The following ADAMTS12 variants were observed in gnomAD, a reference collection of about 807,000 sequenced individuals.
ADAMTS12 encodes A disintegrin and metalloproteinase with thrombospondin motifs 12.
In ADAMTS12, 118 loss-of-function variants were observed where a neutral mutation model predicts 167.8. The observed-to-expected ratio is 0.70, with a 90% CI of 0.61 to 0.82. The LOEUF is 0.82. ADAMTS12 is among the 40% of genes least tolerant of loss of function. The pLI, the probability that ADAMTS12 is intolerant of heterozygous loss-of-function variation, is 0.00. For synonymous variants in ADAMTS12, 704 were observed against 716.9 expected, an observed-to-expected ratio of 0.98 and a Z score of 0.29; for missense variants, 1,916 against 1,998.8, an observed-to-expected ratio of 0.96 and a Z score of 0.79.
intron 17 of ADAMTS12, 91 bp downstream of exon 17, chr5:33,595,843 A>G: frequency 1.3e-6 from 2 of 1,538,614 alleles, no homozygotes; most frequent in Non-Finnish European, 1.8e-6. Flanking sequence ...AAAACCACAC[A>G]ATATTTCTTT....
At chr5:33,844,404 A>T (rs1268219313) in intron 2 of ADAMTS12, among the ~76,000 whole-genome samples, 1 of 152,216 alleles carries the variant, frequency 6.6e-6, no homozygotes, top group Non-Finnish European at 1.5e-5. Context: ...CCTGAGAAAG[A>T]GAATGCGCCC....
chr5:33,887,341 AT>A (rs1203185336), intron 1 of ADAMTS12, among the ~76,000 whole-genome samples: 1 of 151,886 alleles, frequency 6.6e-6, no homozygotes, highest in African/African-American at 2.4e-5. Context: ...AGGGATGAGG[AT>A]TTTTTCCTGG....
At chr5:33,859,201 A>G (rs1749515611) in intron 2 of ADAMTS12, among the ~76,000 whole-genome samples, 1 of 152,238 alleles carries the variant, frequency 6.6e-6, no homozygotes, top group Admixed American at 6.5e-5. Context: ...CAGGGAGCCA[A>G]GTGGTCTAGC....
At chr5:33,583,325 A>C (rs1007619933) in intron 18 of ADAMTS12, among the ~76,000 whole-genome samples, 1 of 152,148 alleles carries the variant, frequency 6.6e-6, no homozygotes, top group Non-Finnish European at 1.5e-5. Context: ...ACTGAATCTC[A>C]TTCATTCCTA....
intron 16 of ADAMTS12, 142 bp from the exon 17 acceptor site, chr5:33,596,202 G>T: frequency 2.8e-6 from 3 of 1,059,434 alleles, no homozygotes; most frequent in Admixed American, 2.4e-5. Flanking sequence ...TTAAAGGAGG[G>T]ATGAAGAATA....
chr5:33,747,587 T>C (rs1316109202), intron 3 of ADAMTS12, among the ~76,000 whole-genome samples: 1 of 152,090 alleles, frequency 6.6e-6, no homozygotes, highest in Non-Finnish European at 1.5e-5. Flanking sequence ...TACTAGGAAA[T>C]ATGGACAAGA....
intron 3 of ADAMTS12, among the ~76,000 whole-genome samples, chr5:33,705,273 G>A (rs1303672687): frequency 1.4e-5 from 2 of 138,476 alleles, no homozygotes; most frequent in African/African-American, 6.5e-5. Context: ...CATGGTGTGT[G>A]TGTGTGTGTG....
Position 33,608,482 on chromosome 5 carries a change from T to A in ADAMTS12, c.2527+5756A>T, listed in dbSNP as rs576260551. Among the ~76,000 whole-genome samples the A allele has an allele frequency of 6.8e-4, 104 of 152,302 alleles. 1 individual carries two copies. Among genetic ancestry groups the A allele is most frequent in the African/African-American group, 2.5e-3 (103 of 41,554 alleles). On this transcript the variant is annotated intron_variant, in intron 16 of 23. Transcript: ENST00000504830. The stretch of plus-strand genomic sequence containing the variant: ...ATGGAAAAAGGAAAACAGAAGAGAA[T>A]CATCACTTATCACGCTTAGAGTTCT...
intron 2 of ADAMTS12, among the ~76,000 whole-genome samples, chr5:33,790,113 G>A (rs1192310633): frequency 6.6e-6 from 1 of 152,070 alleles, no homozygotes; most frequent in Non-Finnish European, 1.5e-5. Flanking sequence ...TCTCTTTACA[G>A]TTCATCCATT....
intron 2 of ADAMTS12, among the ~76,000 whole-genome samples, chr5:33,859,059 G>C (rs545067110): frequency 6.6e-6 from 1 of 152,208 alleles, no homozygotes; most frequent in Admixed American, 6.5e-5. Flanking sequence ...CAGGGCCCTG[G>C]ATTTCAAGCG....
At chr5:33,573,353 T>C (rs1371123697) in intron 19 of ADAMTS12, among the ~76,000 whole-genome samples, 4 of 152,192 alleles carry the variant, frequency 2.6e-5, no homozygotes, top group Admixed American at 2.0e-4. Context: ...CAAACTATAC[T>C]ACAAGGCTAC....
chr5:33,889,040 A>G (rs1176422391), intron 1 of ADAMTS12, among the ~76,000 whole-genome samples: 1 of 152,170 alleles, frequency 6.6e-6, no homozygotes, highest in South Asian at 2.1e-4. Flanking sequence ...TCTGTCTCCA[A>G]ATGTGGAACC....
chr5:33,670,382 C>T (rs10941079), intron 5 of ADAMTS12, among the ~76,000 whole-genome samples: 145,116 of 152,284 alleles, frequency 0.95, 69,538 homozygotes, highest in Non-Finnish European at 1. Flanking sequence ...CTGAATCATT[C>T]ACTGCTGGTG....
rs112236433 is a variant in ADAMTS12 at position 33,856,241 on chromosome 5, C to T, written c.489+24878G>A. 9.1e-3 allele frequency among the ~76,000 whole-genome samples: 1,384 copies of T among 152,270 alleles called. 6 individuals are homozygous for T. The highest frequency in any genetic ancestry group is 0.011 in the Non-Finnish European group (723 of 68,014). On this transcript the variant is annotated intron_variant, in intron 2 of 23. Transcript: ENST00000504830. Reference sequence around the variant, plus strand: ...TGTTGAATAATACACACACATCCCCCGCAAAACCTCCCTGCACTGCTGTTT... The same window carrying T: ...TGTTGAATAATACACACACATCCCCTGCAAAACCTCCCTGCACTGCTGTTT...
intron 2 of ADAMTS12, chr5:33,840,277 T>C (rs1194371010): frequency 6.6e-6 from 1 of 152,262 alleles, no homozygotes; most frequent in East Asian, 1.9e-4. Flanking sequence ...ATACAATGCT[T>C]GAGCTCTAGG....
At chr5:33,774,442 A>G (rs1340199201) in intron 2 of ADAMTS12, among the ~76,000 whole-genome samples, 1 of 152,196 alleles carries the variant, frequency 6.6e-6, no homozygotes, top group Non-Finnish European at 1.5e-5. Context: ...AAAAAAATCA[A>G]AACTTTGAAA....
intron 14 of ADAMTS12, 67 bp downstream of exon 14, chr5:33,624,164 A>C: frequency 1.2e-6 from 2 of 1,600,374 alleles, no homozygotes; most frequent in Non-Finnish European, 1.7e-6. Context: ...ACTAGGAACC[A>C]ATCAACCATT....
chr5:33,536,174 T>C (rs558524307), intron 22 of ADAMTS12, among the ~76,000 whole-genome samples: 1 of 152,302 alleles, frequency 6.6e-6, no homozygotes, highest in African/African-American at 2.4e-5. Flanking sequence ...TCTGGCTCTA[T>C]CACCCAGGCT....
chr5:33,680,396 T>A (rs1742066131), intron 5 of ADAMTS12, among the ~76,000 whole-genome samples: 1 of 152,170 alleles, frequency 6.6e-6, no homozygotes, highest in Admixed American at 6.5e-5. Context: ...CATTATGAAA[T>A]CCTACCAGTG....
Sources: gnomAD v4.1 joint callset for allele counts (sites outside exome capture counted in the v4.1 genomes callset) on GRCh38, gnomAD v4.1.1 for gene constraint, MANE v1.5 for transcripts, NCBI Gene and HGNC (gene_info 2026-07-23, HGNC 2026-07-21) for gene names.